RPSA2: variants seen among roughly 807,000 people sequenced by gnomAD.
RPSA2 encodes small ribosomal subunit protein uS2B.
chr19:23,801,196 A>G, the RPSA2 span, among the ~76,000 whole-genome samples: 1 of 152,156 alleles, frequency 6.6e-6, no homozygotes, highest in African/African-American at 2.4e-5. Context: ...ATTAAAAAAC[A>G]AAACAAAACA....
the RPSA2 span, among the ~76,000 whole-genome samples, chr19:23,867,188 T>C: frequency 6.6e-6 from 1 of 152,180 alleles, no homozygotes; most frequent in Non-Finnish European, 1.5e-5. Flanking sequence ...CAGGAGCTGA[T>C]GTGTCAGTAA....
chr19:23,818,056 T>G, the RPSA2 span: 2 of 152,162 alleles, frequency 1.3e-5, no homozygotes, highest in Non-Finnish European at 2.9e-5. Context: ...TTTCTTTACA[T>G]CCTCTACTTC....
chr19:23,783,936 C>G, the RPSA2 span, among the ~76,000 whole-genome samples: 4 of 152,142 alleles, frequency 2.6e-5, no homozygotes, highest in Non-Finnish European at 5.9e-5. Flanking sequence ...TGTAACATCT[C>G]TGGTTGAGAA....
At chr19:23,842,940 C>T in the RPSA2 span, among the ~76,000 whole-genome samples, 2 of 151,820 alleles carry the variant, frequency 1.3e-5, no homozygotes, top group Non-Finnish European at 2.9e-5. Flanking sequence ...TATTATTGCC[C>T]AAATAATAAA....
At chr19:23,861,512 A>G in the RPSA2 span, among the ~76,000 whole-genome samples, 2 of 152,114 alleles carry the variant, frequency 1.3e-5, no homozygotes, top group Admixed American at 1.3e-4. Flanking sequence ...TTCCAATGAG[A>G]ACATGTTAAA....
chr19:23,838,713 T>C, the RPSA2 span, among the ~76,000 whole-genome samples: 3 of 152,154 alleles, frequency 2.0e-5, no homozygotes. Context: ...TTCTATGTTT[T>C]CTAGCTTATG....
At chr19:23,865,865 T>C in the RPSA2 span, among the ~76,000 whole-genome samples, 1 of 152,184 alleles carries the variant, frequency 6.6e-6, no homozygotes, top group South Asian at 2.1e-4. Context: ...TGGTTAATAA[T>C]GGAGTGCAAA....
the RPSA2 span, among the ~76,000 whole-genome samples, chr19:23,848,766 G>T: frequency 6.6e-6 from 1 of 152,168 alleles, no homozygotes; most frequent in Non-Finnish European, 1.5e-5. Context: ...CATTCATTTG[G>T]TGAACTAATT....
the RPSA2 span, chr19:23,832,100 C>G: frequency 4.4e-6 from 2 of 451,608 alleles, no homozygotes; most frequent in Non-Finnish European, 8.9e-6. Context: ...TCAACCCTTA[C>G]TACACATAAA....
the RPSA2 span, among the ~76,000 whole-genome samples, chr19:23,840,183 C>T: frequency 6.6e-6 from 1 of 152,182 alleles, no homozygotes; most frequent in African/African-American, 2.4e-5. Flanking sequence ...TTTACAGTTG[C>T]AATCATTTTC....
At chr19:23,765,271 C>T in the RPSA2 span, among the ~76,000 whole-genome samples, 2 of 152,068 alleles carry the variant, frequency 1.3e-5, no homozygotes, top group African/African-American at 4.8e-5. Flanking sequence ...ACCATTTGAC[C>T]CAGCAATCCA....
the RPSA2 span, among the ~76,000 whole-genome samples, chr19:23,852,667 A>G: frequency 6.6e-6 from 1 of 152,100 alleles, no homozygotes; most frequent in Non-Finnish European, 1.5e-5. Flanking sequence ...CCATAAACCC[A>G]CATCCTTTCA....
chr19:23,870,586 G>A, the RPSA2 span, among the ~76,000 whole-genome samples: 1 of 152,092 alleles, frequency 6.6e-6, no homozygotes, highest in African/African-American at 2.4e-5. Flanking sequence ...TTAGAAGCCT[G>A]GACTGAATTC....
chr19:23,842,954 C>CAAT, the RPSA2 span, among the ~76,000 whole-genome samples: 1 of 152,046 alleles, frequency 6.6e-6, no homozygotes, highest in African/African-American at 2.4e-5. Context: ...TAATAAAATC[C>CAAT]AATATCCAGC....
the RPSA2 span, among the ~76,000 whole-genome samples, chr19:23,849,973 C>G: frequency 6.6e-6 from 1 of 152,126 alleles, no homozygotes; most frequent in Non-Finnish European, 1.5e-5. Flanking sequence ...TGTCCCGGTT[C>G]TCTTGTAGTT....
chr19:23,870,547 A>G, the RPSA2 span, among the ~76,000 whole-genome samples: 4 of 152,350 alleles, frequency 2.6e-5, 1 homozygote, highest in South Asian at 8.3e-4. Flanking sequence ...CTTGATTTAA[A>G]TAAGCAAACT....
At chr19:23,841,326 T>C in the RPSA2 span, among the ~76,000 whole-genome samples, 1 of 151,764 alleles carries the variant, frequency 6.6e-6, no homozygotes. Context: ...CAGCTGGGCG[T>C]GGTGGTGGGC....
the RPSA2 span, among the ~76,000 whole-genome samples, chr19:23,868,311 C>T: frequency 6.6e-6 from 1 of 152,170 alleles, no homozygotes; most frequent in East Asian, 1.9e-4. Context: ...ATGGGTGAGA[C>T]ATCCGGTCAT....
chr19:23,807,058 C>CT, the RPSA2 span, among the ~76,000 whole-genome samples: 1 of 152,154 alleles, frequency 6.6e-6, no homozygotes, highest in Non-Finnish European at 1.5e-5. Context: ...AACTCACTTG[C>CT]TTAATAAACT....
Sources: allele counts gnomAD v4.1 joint callset (sites outside exome capture counted in the v4.1 genomes callset), GRCh38; gene constraint gnomAD v4.1.1; transcripts MANE v1.5; gene names NCBI Gene and HGNC (gene_info 2026-07-23, HGNC 2026-07-21).